SESTD1: variants seen among roughly 807,000 people sequenced by gnomAD.
SESTD1 encodes the protein SEC14 and spectrin domain containing 1, also known as SEC14 domain and spectrin repeat-containing protein 1.
A neutral mutation model predicts 101.7 loss-of-function variants in SESTD1; 43 were observed. That is an observed-to-expected ratio of 0.42 (90% CI 0.33 to 0.55). The LOEUF is 0.55. SESTD1 is among the 20% of genes least tolerant of loss of function. The probability of loss-of-function intolerance (pLI) is 0.07; values close to 1 mark genes in which losing one functional copy is unlikely to be tolerated. For missense variants in SESTD1, 647 were observed against 815.1 expected (o/e 0.79, Z 2.51); for synonymous variants, 283 against 286.8 (o/e 0.99, Z 0.13).
chr2:179,199,360 G>A (rs2046463817), intron 1 of SESTD1, among the ~76,000 whole-genome samples: 1 of 152,238 alleles, frequency 6.6e-6, no homozygotes, highest in South Asian at 2.1e-4. Flanking sequence ...ATTCACAGCT[G>A]AATTCTACCA....
At chr2:179,140,143 T>C (rs1283938856) in intron 9 of SESTD1, among the ~76,000 whole-genome samples, 1 of 152,146 alleles carries the variant, frequency 6.6e-6, no homozygotes, top group Admixed American at 6.6e-5. Context: ...CTCAACACTT[T>C]CAAGCAATCT....
chr2:179,126,989 T>C (rs757162281), intron 10 of SESTD1, among the ~76,000 whole-genome samples: 9 of 152,210 alleles, frequency 5.9e-5, no homozygotes, highest in Non-Finnish European at 1.2e-4. Context: ...TTCCACACAA[T>C]AGCCGGTGAT....
At chr2:179,186,598 T>G (rs1330211184) in intron 2 of SESTD1, among the ~76,000 whole-genome samples, 1 of 152,000 alleles carries the variant, frequency 6.6e-6, no homozygotes, top group Non-Finnish European at 1.5e-5. Flanking sequence ...ATATCAGAAG[T>G]GAGACATCAT....
rs75373866 is a variant in SESTD1, at chr2:179,129,983, T to C, written c.972+2321A>G. Among the ~76,000 whole-genome samples the C allele has an allele frequency of 3.9e-3, 587 of 152,282 alleles. 6 individuals carry two copies. Among genetic ancestry groups the C allele is most frequent in the African/African-American group, 0.014 (567 of 41,568 alleles). ...CATACACTCCCATCCATTCAATCTG[T>C]TCCTACCTCCCAATTCTGAAACAAA... On this transcript the variant is annotated intron_variant, in intron 10 of 17. Transcript: ENST00000428443.
chr2:179,207,704 G>A (rs961769778), intron 1 of SESTD1, among the ~76,000 whole-genome samples: 2 of 134,958 alleles, frequency 1.5e-5, no homozygotes, highest in African/African-American at 2.9e-5. Flanking sequence ...TCACCCTGTA[G>A]GACAAAAGAA....
chr2:179,190,070 CA>C (rs199692668), intron 2 of SESTD1, among the ~76,000 whole-genome samples: 1 of 151,300 alleles, frequency 6.6e-6, no homozygotes, highest in Non-Finnish European at 1.5e-5. Flanking sequence ...CATATGGAAA[CA>C]AAAAAAAGCC....
rs1297559253 is a variant in SESTD1, at chr2:179,116,759, G to A, written c.1556C>T (p.Ala519Val). The change falls in exon 15 of 18, where the codon GCT (alanine) becomes GTT (valine). Residue 519 changes from alanine (A) to valine (V), a missense_variant. Around this residue, in one of 3 missense-constraint regions of SESTD1, gnomAD observed 476 missense variants for 562.6 expected, o/e 0.85. Transcript: ENST00000428443. ...AVEWLSELLD[A>V]LLKTHIRLGD... ...CAATCTGATGTGAGTCTTAAGCAGAGCATCCAGAAGTTCACTTAGCCATTC... is the reference window on the plus strand; with the variant it reads ...CAATCTGATGTGAGTCTTAAGCAGAACATCCAGAAGTTCACTTAGCCATTC... 1.2e-6 allele frequency: 2 copies of A among 1,613,988 alleles called. No individual in the cohort carries two copies. Among genetic ancestry groups the A allele is most frequent in the Non-Finnish European group, 1.7e-6 (2 of 1,179,938 alleles).
intron 5 of SESTD1, among the ~76,000 whole-genome samples, chr2:179,167,951 C>T (rs545736797): frequency 2.2e-4 from 33 of 152,176 alleles, no homozygotes; most frequent in Non-Finnish European, 4.3e-4. Context: ...TTAGTAGACA[C>T]GGGGTTTCAC....
chr2:179,196,659 C>T (rs566134220), intron 1 of SESTD1, among the ~76,000 whole-genome samples: 1,720 of 152,096 alleles, frequency 0.011, 32 homozygotes, highest in African/African-American at 0.039. Context: ...CCCTGACCCC[C>T]GAGCAGCCTA....
At position 179,109,798 on chromosome 2, in the gene SESTD1, T is replaced by C. The variant is rs1190506538; in HGVS notation, c.*101A>G. 5 of 1,429,602 alleles carry C rather than the reference T, an allele frequency of 3.5e-6. No homozygotes were observed. The African/African-American group carries it at 4.3e-5, about 12-fold the overall frequency. The allele number at this position is 1,429,602 out of a possible 1,614,324, so 88.6% of individuals were successfully genotyped here. A position where few individuals can be genotyped will look rare whatever the true frequency, so the allele number is the denominator to read the frequency against. ...GTGTCATGAAAAGAAATGAGACTTA[T>C]TTTGGCTGTGAAATGCATCTTAAGG... On this transcript the variant is annotated 3_prime_UTR_variant, in exon 18 of 18. Transcript: ENST00000428443.
chr2:179,242,767 G>T (rs192581217), intron 1 of SESTD1, among the ~76,000 whole-genome samples: 2 of 152,028 alleles, frequency 1.3e-5, no homozygotes, highest in Non-Finnish European at 2.9e-5. Context: ...GAATGAAACC[G>T]GACAGTACCT....
intron 1 of SESTD1, among the ~76,000 whole-genome samples, chr2:179,261,174 T>A (rs907481310): frequency 1.3e-5 from 2 of 152,240 alleles, no homozygotes; most frequent in Non-Finnish European, 2.9e-5. Context: ...TACCTTATTA[T>A]GACAGAAGAA....
intron 1 of SESTD1, among the ~76,000 whole-genome samples, chr2:179,259,884 A>G (rs1486889381): frequency 1.3e-5 from 2 of 152,224 alleles, no homozygotes; most frequent in African/African-American, 4.8e-5. Flanking sequence ...AGATTCATCC[A>G]GATCTGTTTA....
intron 13 of SESTD1, among the ~76,000 whole-genome samples, chr2:179,120,589 A>T (rs1192368414): frequency 1.3e-5 from 2 of 152,360 alleles, no homozygotes; most frequent in East Asian, 3.9e-4. Context: ...GAAATCGAAA[A>T]GTCAGTTGTG....
At chr2:179,172,347 A>G in intron 4 of SESTD1, 114 bp from the exon 5 acceptor site, 1 of 568,872 alleles carries the variant, frequency 1.8e-6, no homozygotes, top group Non-Finnish European at 2.9e-6. Context: ...TTGGAGAAGA[A>G]TTAAAATAAT....
At chr2:179,223,753 GAAGA>G (rs1422084509) in intron 1 of SESTD1, among the ~76,000 whole-genome samples, 4 of 152,186 alleles carry the variant, frequency 2.6e-5, no homozygotes, top group African/African-American at 9.7e-5. Flanking sequence ...TAAATGAAGG[GAAGA>G]AAGGAGAGTA....
intron 1 of SESTD1, among the ~76,000 whole-genome samples, chr2:179,223,300 T>G (rs568123956): frequency 6.6e-6 from 1 of 152,260 alleles, no homozygotes; most frequent in East Asian, 1.9e-4. Flanking sequence ...GAGTGACTGG[T>G]AATAGACACT....
At chr2:179,157,221 A>G (rs2105457607) in intron 5 of SESTD1, among the ~76,000 whole-genome samples, 1 of 152,328 alleles carries the variant, frequency 6.6e-6, no homozygotes, top group Admixed American at 6.5e-5. Context: ...GAAATCACAG[A>G]TGACACAAAC....
intron 17 of SESTD1, among the ~76,000 whole-genome samples, chr2:179,112,337 G>A (rs1370346819): frequency 6.6e-6 from 1 of 152,176 alleles, no homozygotes; most frequent in Admixed American, 6.5e-5. Context: ...CAAAAGTAAT[G>A]AAGGTGAAAT....
Sources: allele counts gnomAD v4.1 joint callset (sites outside exome capture counted in the v4.1 genomes callset), GRCh38; gene constraint gnomAD v4.1.1; regional missense constraint gnomAD v4.1.1; transcripts MANE v1.5; gene names NCBI Gene and HGNC (gene_info 2026-07-23, HGNC 2026-07-21).